The following TRIO variants were observed in gnomAD, a reference collection of about 807,000 sequenced individuals.
TRIO encodes trio Rho guanine nucleotide exchange factor.
TRIO carries 58 observed loss-of-function variants against 351.9 expected under a neutral mutation model. The observed-to-expected ratio is 0.16, with a 90% CI of 0.13 to 0.21. The LOEUF (loss-of-function observed/expected upper bound fraction) is 0.21. TRIO is among the 10% of genes least tolerant of loss of function. The pLI, the probability that TRIO is intolerant of heterozygous loss-of-function variation, is 1.00. For synonymous variants in TRIO, 1,758 were observed against 1,595.7 expected, an observed-to-expected ratio of 1.10 and a Z score of -2.42; for missense variants, 3,201 against 4,027.8, an observed-to-expected ratio of 0.79 and a Z score of 5.56.
chr5:14,397,791 A>C (rs191990146), intron 29 of TRIO, among the ~76,000 whole-genome samples: 1 of 152,178 alleles, frequency 6.6e-6, no homozygotes, highest in Non-Finnish European at 1.5e-5. Context: ...ACTGTGGGTA[A>C]TAAGACCCAA....
chr5:14,239,430 G>T (rs537668822), intron 1 of TRIO, among the ~76,000 whole-genome samples: 1 of 152,130 alleles, frequency 6.6e-6, no homozygotes, highest in Admixed American at 6.5e-5. Flanking sequence ...ACAGAAATAC[G>T]CAAGCACAGC....
intron 1 of TRIO, among the ~76,000 whole-genome samples, chr5:14,188,769 A>G (rs1324941231): frequency 6.6e-6 from 1 of 152,146 alleles, no homozygotes. Flanking sequence ...ATAATTCTTC[A>G]TTAATTTCCA....
intron 1 of TRIO, among the ~76,000 whole-genome samples, chr5:14,255,361 A>G (rs1035621996): frequency 3.3e-5 from 5 of 152,354 alleles, no homozygotes; most frequent in Admixed American, 3.3e-4. Flanking sequence ...ATTATTTGTA[A>G]TAGCAAAAAT....
intron 53 of TRIO, among the ~76,000 whole-genome samples, chr5:14,502,220 C>T (rs761718619): frequency 1.3e-5 from 2 of 151,796 alleles, no homozygotes; most frequent in Non-Finnish European, 2.9e-5. Flanking sequence ...CCAATAGAAG[C>T]AAAAAGAGGC....
chr5:14,160,077 A>G (rs1354599267), intron 1 of TRIO, among the ~76,000 whole-genome samples: 1 of 152,272 alleles, frequency 6.6e-6, no homozygotes, highest in Non-Finnish European at 1.5e-5. Flanking sequence ...GACATCGCAG[A>G]AGAATTTGTG....
intron 32 of TRIO, 139 bp downstream of exon 32, chr5:14,406,129 T>G: frequency 8.1e-7 from 1 of 1,233,766 alleles, no homozygotes; most frequent in Non-Finnish European, 1.1e-6. Context: ...GTGGATAACA[T>G]CATTCTTAGT....
chr5:14,361,176 GA>G (rs374597102), intron 13 of TRIO, among the ~76,000 whole-genome samples: 5,091 of 146,994 alleles, frequency 0.035, 310 homozygotes, highest in African/African-American at 0.12. Context: ...TTTGATACTT[GA>G]AAAAAAAAAT....
At chr5:14,284,826 GT>G (rs941856014) in intron 3 of TRIO, among the ~76,000 whole-genome samples, 9 of 152,154 alleles carry the variant, frequency 5.9e-5, no homozygotes, top group Non-Finnish European at 8.8e-5. Context: ...CCTGTCTTTG[GT>G]GTACGGCAGC....
chr5:14,263,709 C>T (rs1795486854), intron 1 of TRIO, among the ~76,000 whole-genome samples: 2 of 152,102 alleles, frequency 1.3e-5, no homozygotes, highest in African/African-American at 2.4e-5. Context: ...GTCTTTGGGG[C>T]AGGACAGCAT....
intron 30 of TRIO, 82 bp from the exon 31 acceptor site, chr5:14,400,881 C>T (rs1748018843): frequency 1.5e-6 from 2 of 1,363,288 alleles, no homozygotes; most frequent in Admixed American, 2.0e-5. Context: ...CACAAGTAAC[C>T]AAAACCTGTT....
chr5:14,236,052 C>A (rs1344390184), intron 1 of TRIO, among the ~76,000 whole-genome samples: 1 of 57,252 alleles, frequency 1.7e-5, no homozygotes, highest in Non-Finnish European at 3.7e-5. Flanking sequence ...AGATCACCTA[C>A]TTAACAAATA....
intron 1 of TRIO, among the ~76,000 whole-genome samples, chr5:14,230,948 A>G (rs1793385689): frequency 6.6e-6 from 1 of 152,170 alleles, no homozygotes; most frequent in Non-Finnish European, 1.5e-5. Flanking sequence ...TACTGTTAGT[A>G]CCTTTCACAT....
intron 1 of TRIO, among the ~76,000 whole-genome samples, chr5:14,163,829 T>C (rs1788614124): frequency 6.6e-6 from 1 of 152,244 alleles, no homozygotes; most frequent in Admixed American, 6.5e-5. Flanking sequence ...TTTCATATGG[T>C]TTTATTCTCA....
chr5:14,207,361 C>CACACAGAG lies in TRIO; in HGVS notation c.158-63463_158-63462insCACAGAGA, dbSNP rs1561202207. Among the ~76,000 whole-genome samples, 2 of 10,084 alleles carry CACACAGAG rather than the reference C, an allele frequency of 2.0e-4. 1 individual carries two copies. The highest frequency in any genetic ancestry group is 5.8e-4 in the African/African-American group (2 of 3,422). 6.6% of individuals were successfully genotyped at this position (10,084 alleles called of 152,430 possible). On this transcript the variant is annotated intron_variant, in intron 1 of 56. Coordinates refer to ENST00000344204, the MANE Select transcript of TRIO (RefSeq NM_007118.4). The stretch of plus-strand genomic sequence containing the variant: ...ACACACACACACACACACACACACA[C>CACACAGAG]AGAGCCAGGTAGCATAGCAAGACTG...
chr5:14,180,675 A>G, intron 1 of TRIO, among the ~76,000 whole-genome samples: 1 of 152,110 alleles, frequency 6.6e-6, no homozygotes, highest in East Asian at 1.9e-4. Flanking sequence ...CTCTACAAAA[A>G]AATAAAAAGC....
chr5:14,359,315 G>A, intron 12 of TRIO, 42 bp from the exon 13 acceptor site: 3 of 1,589,164 alleles, frequency 1.9e-6, no homozygotes, highest in Non-Finnish European at 1.7e-6. Context: ...AACAATGTGT[G>A]ACTTTCTCAT....
intron 1 of TRIO, among the ~76,000 whole-genome samples, chr5:14,247,730 G>A (rs1794516147): frequency 6.6e-6 from 1 of 152,092 alleles, no homozygotes; most frequent in South Asian, 2.1e-4. Context: ...GGAATACATG[G>A]GCTTAGATAT....
intron 31 of TRIO, 36 bp downstream of exon 31, chr5:14,401,100 A>C: frequency 6.4e-7 from 1 of 1,554,720 alleles, no homozygotes; most frequent in Non-Finnish European, 8.9e-7. Flanking sequence ...TGCTGTTTGA[A>C]ACATTTACTG....
At chr5:14,409,697 G>GGT (rs1450758601) in intron 33 of TRIO, among the ~76,000 whole-genome samples, 3 of 152,042 alleles carry the variant, frequency 2.0e-5, no homozygotes, top group Non-Finnish European at 2.9e-5. Flanking sequence ...AGTCGAGCGT[G>GGT]GTGGTGGGTG....
Sources: gnomAD v4.1 joint callset for allele counts (sites outside exome capture counted in the v4.1 genomes callset) on GRCh38, gnomAD v4.1.1 for gene constraint, MANE v1.5 for transcripts, NCBI Gene and HGNC (gene_info 2026-07-23, HGNC 2026-07-21) for gene names.